Variants in CASR observed in about 807,000 individuals in gnomAD.
CASR encodes the protein extracellular calcium-sensing receptor.
In CASR, 23 loss-of-function variants were observed where a neutral mutation model predicts 69.1. The observed-to-expected ratio is 0.33, with a 90% CI of 0.24 to 0.47. CASR has a LOEUF of 0.47. Among genes scored for constraint, CASR ranks in the 20% least tolerant of loss-of-function variants. CASR has a pLI of 1.00. For missense variants in CASR, 924 were observed against 1,356.1 expected, an observed-to-expected ratio of 0.68 and a Z score of 5.00; for synonymous variants, 541 against 544.7, an observed-to-expected ratio of 0.99 and a Z score of 0.10.
intron 4 of CASR, among the ~76,000 whole-genome samples, chr3:122,266,759 C>T (rs1012875338): frequency 1.3e-5 from 2 of 152,118 alleles, no homozygotes; most frequent in Non-Finnish European, 2.9e-5. Flanking sequence ...AGTCTCAACA[C>T]TTTGGGAGGC....
At position 122,276,021 on chromosome 3, in the gene CASR, G is replaced by A. The variant is rs762899043; in HGVS notation, c.1587G>A (p.Leu529=). The change falls in exon 5 of 7, where the codon CTG becomes CTA. Residue 529 remains leucine, a synonymous_variant. Transcript: ENST00000639785. The part of the protein sequence containing the change: ...ERLFINEEKI[L]WSGFSREVPF... ...TCTTCATCAACGAGGAGAAAATCCT[G>A]TGGAGTGGGTTCTCCAGGGAGGTAG... 6.2e-6 allele frequency: 10 copies of A among 1,612,184 alleles called. No homozygotes were observed. In the South Asian group the frequency reaches 9.9e-5, roughly 16 times the overall value.
At chr3:122,230,423 C>G (rs909445902) in intron 1 of CASR, among the ~76,000 whole-genome samples, 1 of 152,230 alleles carries the variant, frequency 6.6e-6, no homozygotes, top group Non-Finnish European at 1.5e-5. Context: ...TGGCCTGCAG[C>G]GGATGCGGGC....
At chr3:122,274,254 C>T (rs2074790496) in intron 4 of CASR, among the ~76,000 whole-genome samples, 1 of 152,240 alleles carries the variant, frequency 6.6e-6, no homozygotes, top group East Asian at 1.9e-4. Context: ...TTAAGGGAGG[C>T]ACCCAGGGTG....
At chr3:122,277,048 CTTT>C (rs11341423) in intron 5 of CASR, among the ~76,000 whole-genome samples, 45 of 129,470 alleles carry the variant, frequency 3.5e-4, no homozygotes, top group African/African-American at 9.3e-4. Context: ...GACCACTTTT[CTTT>C]TTTTTTTTTT....
At chr3:122,201,198 G>A (rs1327431910) in intron 1 of CASR, among the ~76,000 whole-genome samples, 4 of 151,992 alleles carry the variant, frequency 2.6e-5, no homozygotes, top group African/African-American at 4.8e-5. Flanking sequence ...GAGTGGTGAC[G>A]ACTCCCAACG....
intron 4 of CASR, among the ~76,000 whole-genome samples, chr3:122,267,868 C>T (rs1205491480): frequency 1.3e-5 from 2 of 152,200 alleles, no homozygotes; most frequent in African/African-American, 4.8e-5. Flanking sequence ...ACCATTTTCC[C>T]ACTTATGGCC....
In CASR at chr3:122,285,151, G is replaced by A. The variant is rs769439564; in HGVS notation, c.3197G>A (p.Gly1066Asp). 5.0e-6 allele frequency: 8 copies of A among 1,614,066 alleles called. No individual in the cohort carries two copies. Among genetic ancestry groups the A allele is most frequent in the Middle Eastern group, 1.6e-4 (1 of 6,084 alleles). The change falls in exon 7 of 7, where the codon GGT (glycine) becomes GAT (aspartate). Residue 1066 changes from glycine (G) to aspartate (D), a missense_variant. Transcript: ENST00000639785. ...AGTTCACAGAGCTTTGTCATCAGTG[G>A]TGGAGGCAGCACTGTTACAGAAAAC... ...VSSSQSFVIS[G>D]GGSTVTENVV...
At position 122,275,860 on chromosome 3, in the gene CASR, C is replaced by G; in HGVS notation, c.1426C>G (p.Gln476Glu). 6.2e-7 allele frequency: 1 copy of G among 1,614,142 alleles called. No homozygotes were observed. Among genetic ancestry groups the G allele is most frequent in the Non-Finnish European group, 8.5e-7 (1 of 1,179,974 alleles). ...HLNFTNNMGE[Q>E]VTFDECGDLV... ...AAACTTTACAAACAATATGGGGGAG[C>G]AGGTGACCTTTGATGAGTGTGGTGA... Residue 476 changes from glutamine to glutamate, a missense_variant, in exon 5 of 7, where the codon CAG becomes GAG. Physicochemically the swap from Gln to Glu is conservative, Grantham distance 29 (BLOSUM62 2). This residue lies in a region of CASR where 310 missense variants were observed against 395.7 expected (regional missense o/e 0.78). Coordinates refer to ENST00000639785, the MANE Select transcript of CASR (RefSeq NM_000388.4).
intron 4 of CASR, among the ~76,000 whole-genome samples, chr3:122,262,623 T>C (rs2074641602): frequency 6.6e-6 from 1 of 152,218 alleles, no homozygotes. Context: ...AAGCCTTGAG[T>C]CAACTGTTCT....
intron 1 of CASR, among the ~76,000 whole-genome samples, chr3:122,188,324 T>G (rs554280831): frequency 5.2e-4 from 79 of 152,316 alleles, no homozygotes; most frequent in African/African-American, 1.8e-3. Context: ...AGTTACTCAT[T>G]AGATGTGGTC....
chr3:122,211,120 A>G (rs1168447237), intron 1 of CASR, among the ~76,000 whole-genome samples: 2 of 152,210 alleles, frequency 1.3e-5, no homozygotes, highest in Non-Finnish European at 2.9e-5. Flanking sequence ...TTTAAAACCT[A>G]AAACTATCAA....
chr3:122,229,771 A>G (rs757840266), intron 1 of CASR, among the ~76,000 whole-genome samples: 4 of 152,208 alleles, frequency 2.6e-5, no homozygotes, highest in Non-Finnish European at 4.4e-5. Context: ...CTGAGGCAGG[A>G]GAATTGCTTG....
At chr3:122,264,527 A>G (rs1271101228) in intron 4 of CASR, among the ~76,000 whole-genome samples, 4 of 152,222 alleles carry the variant, frequency 2.6e-5, no homozygotes, top group Non-Finnish European at 5.9e-5. Context: ...ATAGAAGCAA[A>G]GCAGCCAACA....
At chr3:122,218,253 G>A (rs1250442611) in intron 1 of CASR, among the ~76,000 whole-genome samples, 1 of 151,810 alleles carries the variant, frequency 6.6e-6, no homozygotes, top group Non-Finnish European at 1.5e-5. Context: ...AATTATTTAC[G>A]GGCCAAGCAT....
intron 1 of CASR, among the ~76,000 whole-genome samples, chr3:122,188,124 C>T (rs141016304): frequency 5.3e-5 from 8 of 152,300 alleles, no homozygotes; most frequent in African/African-American, 1.9e-4. Context: ...AGCATTTTTG[C>T]AATCACTCTG....
In CASR at chr3:122,286,231, T is replaced by C. The variant is rs1348113135; in HGVS notation, c.*1040T>C. 6.6e-6 allele frequency: 1 copy of C among 152,156 alleles called. No individual in the cohort carries two copies. Among genetic ancestry groups the C allele is most frequent in the African/African-American group, 2.4e-5 (1 of 41,430 alleles). 9.4% of individuals were successfully genotyped at this position (152,156 alleles called of 1,614,324 possible). A position where few individuals can be genotyped will look rare whatever the true frequency, so the allele number is the denominator to read the frequency against. ...AGAGCTATGTTCCCTCCAGCAGTGGTATTAATACTGCCGGTCACCCAGGCT... is the reference window on the plus strand; with the variant it reads ...AGAGCTATGTTCCCTCCAGCAGTGGCATTAATACTGCCGGTCACCCAGGCT... On this transcript the variant is annotated 3_prime_UTR_variant, in exon 7 of 7. Coordinates refer to ENST00000639785, the MANE Select transcript of CASR (RefSeq NM_000388.4).
At chr3:122,257,440 C>A in intron 3 of CASR, 53 bp downstream of exon 3, 3 of 1,388,622 alleles carry the variant, frequency 2.2e-6, no homozygotes, top group South Asian at 1.2e-5. Context: ...AAGAAGCAGG[C>A]TTGGGGGTGC....
At chr3:122,230,530 C>A (rs1321080573) in intron 1 of CASR, among the ~76,000 whole-genome samples, 4 of 152,186 alleles carry the variant, frequency 2.6e-5, no homozygotes, top group Non-Finnish European at 4.4e-5. Flanking sequence ...GCGCCACCAT[C>A]CCCCACCCCC....
At chr3:122,217,569 C>T (rs541931354) in intron 1 of CASR, among the ~76,000 whole-genome samples, 1 of 152,130 alleles carries the variant, frequency 6.6e-6, no homozygotes, top group African/African-American at 2.4e-5. Flanking sequence ...GAAGCAGATT[C>T]CCAAGAGAAG....
Sources: gnomAD v4.1 joint callset for allele counts (sites outside exome capture counted in the v4.1 genomes callset) on GRCh38, gnomAD v4.1.1 for gene constraint, gnomAD v4.1.1 regional missense constraint, MANE v1.5 for transcripts, NCBI Gene and HGNC (gene_info 2026-07-23, HGNC 2026-07-21) for gene names.